RBFOX1: variants seen among roughly 807,000 people sequenced by gnomAD.
RBFOX1 encodes the protein RNA binding fox-1 homolog 1.
In RBFOX1, 8 loss-of-function variants were observed where a neutral mutation model predicts 57.7. The ratio of observed to expected loss-of-function variants is 0.14; its 90% CI spans 0.08 to 0.25. The LOEUF (loss-of-function observed/expected upper bound fraction) is 0.25. Among genes scored for constraint, RBFOX1 ranks in the 10% least tolerant of loss-of-function variants. The probability of loss-of-function intolerance (pLI) is 1.00; values close to 1 mark genes in which losing one functional copy is unlikely to be tolerated. For missense variants in RBFOX1, 611 were observed against 548.5 expected, an observed-to-expected ratio of 1.11 and a Z score of -1.14; for synonymous variants, 326 against 222.4, an observed-to-expected ratio of 1.47 and a Z score of -4.15.
At chr16:5,535,740 CAG>C (rs1259765613) in intron 2 of RBFOX1, among the ~76,000 whole-genome samples, 1 of 152,222 alleles carries the variant, frequency 6.6e-6, no homozygotes, top group Non-Finnish European at 1.5e-5. Context: ...AGCCAAGTGA[CAG>C]TGTTTCTGCT....
At chr16:7,628,107 A>G (rs2060360741) in intron 10 of RBFOX1, among the ~76,000 whole-genome samples, 1 of 152,164 alleles carries the variant, frequency 6.6e-6, no homozygotes, top group Non-Finnish European at 1.5e-5. Context: ...AAATTGACCC[A>G]AGGGTTTTAA....
Position 6,380,931 on chromosome 16 carries a change from T to C in RBFOX1, c.-64+63874T>C, listed in dbSNP as rs1237949371. ...GGAACAAACCAAAGGTCCTCATATTTTTCTGTGCATTCTGGTGATTGCTTG... is the reference window on the plus strand; with the variant it reads ...GGAACAAACCAAAGGTCCTCATATTCTTCTGTGCATTCTGGTGATTGCTTG... On this transcript the variant is annotated intron_variant, in intron 2 of 15. Transcript: ENST00000550418. 3.3e-5 allele frequency among the ~76,000 whole-genome samples: 5 copies of C among 152,158 alleles called. No homozygotes were observed. In the South Asian group the frequency reaches 1.0e-3, roughly 32 times the overall value.
chr16:7,449,943 C>A (rs192427627), intron 4 of RBFOX1, among the ~76,000 whole-genome samples: 16 of 152,118 alleles, frequency 1.1e-4, no homozygotes, highest in African/African-American at 3.9e-4. Context: ...AGAGTTGTCT[C>A]TCTGACTGCA....
chr16:5,422,798 A>C (rs2067384632), intron 1 of RBFOX1, among the ~76,000 whole-genome samples: 1 of 123,574 alleles, frequency 8.1e-6, no homozygotes. Flanking sequence ...GAGTGGGAAG[A>C]AAGAGGAGGA....
intron 12 of RBFOX1, among the ~76,000 whole-genome samples, 194 bp downstream of exon 12, chr16:7,654,141 C>T (rs1397112212): frequency 6.6e-6 from 1 of 152,100 alleles, no homozygotes; most frequent in Non-Finnish European, 1.5e-5. Flanking sequence ...TGTAATTTGT[C>T]CTGTCATGGT....
chr16:5,255,408 C>T (rs1372290106), intron 1 of RBFOX1, among the ~76,000 whole-genome samples: 1 of 143,494 alleles, frequency 7.0e-6, no homozygotes, highest in East Asian at 2.1e-4. Flanking sequence ...ATCCACCCAC[C>T]TACCCATCTA....
At chr16:6,590,790 G>A (rs2097699234) in intron 2 of RBFOX1, among the ~76,000 whole-genome samples, 1 of 152,138 alleles carries the variant, frequency 6.6e-6, no homozygotes, top group Admixed American at 6.5e-5. Context: ...TAATTAGGGA[G>A]AATATTTTGT....
chr16:6,033,805 A>G (rs2095324178), intron 1 of RBFOX1, among the ~76,000 whole-genome samples: 1 of 152,208 alleles, frequency 6.6e-6, no homozygotes, highest in Non-Finnish European at 1.5e-5. Context: ...TGAAATTGTT[A>G]GGTCAAAGGA....
chr16:7,109,344 T>C lies in RBFOX1; in HGVS notation c.27+57246T>C, dbSNP rs185848428. Among the ~76,000 whole-genome samples, 573 of 152,272 alleles carry C rather than the reference T, an allele frequency of 3.8e-3. 2 individuals carry two copies. The highest frequency in any genetic ancestry group is 0.013 in the African/African-American group (549 of 41,564). ...AACAAAGAGAAAATGAACAAATCCC[T>C]GCAACCAAACCCTCTCACCAGATTT... On this transcript the variant is annotated intron_variant, in intron 4 of 15. Coordinates refer to ENST00000550418, the MANE Select transcript of RBFOX1 (RefSeq NM_018723.4).
At chr16:5,968,195 C>G (rs970866236) in intron 4 of RBFOX1, among the ~76,000 whole-genome samples, 1 of 152,138 alleles carries the variant, frequency 6.6e-6, no homozygotes, top group Non-Finnish European at 1.5e-5. Flanking sequence ...CTGTTTCAGC[C>G]TCCCCAGTAG....
chr16:7,102,767 A>G (rs2062908565), intron 4 of RBFOX1, among the ~76,000 whole-genome samples: 1 of 152,194 alleles, frequency 6.6e-6, no homozygotes, highest in Admixed American at 6.5e-5. Context: ...CTAAGAATGA[A>G]GTATCACTTG....
At chr16:7,127,275 A>G (rs914964706) in intron 4 of RBFOX1, among the ~76,000 whole-genome samples, 1 of 152,158 alleles carries the variant, frequency 6.6e-6, no homozygotes, top group Non-Finnish European at 1.5e-5. Flanking sequence ...GCAATATGTA[A>G]TATTATCCAT....
At chr16:6,255,591 G>A (rs1406785424) in intron 1 of RBFOX1, among the ~76,000 whole-genome samples, 1 of 152,206 alleles carries the variant, frequency 6.6e-6, no homozygotes, top group Admixed American at 6.5e-5. Context: ...GTCCTATAAG[G>A]TTAGCAATCA....
At chr16:6,072,852 T>C (rs1356583372) in intron 1 of RBFOX1, among the ~76,000 whole-genome samples, 1 of 152,128 alleles carries the variant, frequency 6.6e-6, no homozygotes, top group East Asian at 1.9e-4. Context: ...TAAAGGGAAA[T>C]TTTTGGATGT....
intron 3 of RBFOX1, among the ~76,000 whole-genome samples, chr16:5,719,638 T>A (rs2051853568): frequency 2.0e-5 from 3 of 152,180 alleles, no homozygotes. Context: ...ATTCTAGATA[T>A]TTCATATAGA....
intron 3 of RBFOX1, among the ~76,000 whole-genome samples, chr16:7,039,903 C>T (rs918120465): frequency 6.7e-6 from 1 of 149,758 alleles, no homozygotes; most frequent in Non-Finnish European, 1.5e-5. Context: ...TGAAGAGAAT[C>T]CACACAAAAA....
At chr16:5,357,155 G>C (rs1006125656) in intron 1 of RBFOX1, among the ~76,000 whole-genome samples, 1 of 152,100 alleles carries the variant, frequency 6.6e-6, no homozygotes, top group Non-Finnish European at 1.5e-5. Flanking sequence ...CTCACTGCTC[G>C]AGCCCTTCCC....
chr16:5,880,703 C>G (rs547692943), intron 4 of RBFOX1, among the ~76,000 whole-genome samples: 3 of 152,266 alleles, frequency 2.0e-5, no homozygotes, highest in African/African-American at 7.2e-5. Flanking sequence ...GTCCCTTAAC[C>G]TCTTCTGTTT....
intron 2 of RBFOX1, among the ~76,000 whole-genome samples, chr16:6,585,869 G>C (rs1489781116): frequency 6.6e-6 from 1 of 152,074 alleles, no homozygotes; most frequent in East Asian, 1.9e-4. Flanking sequence ...CTGTAAAATA[G>C]GTATGCATGA....
Sources: gnomAD v4.1 joint callset for allele counts (sites outside exome capture counted in the v4.1 genomes callset) on GRCh38, gnomAD v4.1.1 for gene constraint, MANE v1.5 for transcripts, NCBI Gene and HGNC (gene_info 2026-07-23, HGNC 2026-07-21) for gene names.